The following SMC1B variants were observed in gnomAD, a reference collection of about 807,000 sequenced individuals.
The protein encoded by SMC1B is structural maintenance of chromosomes protein 1B.
Under a neutral mutation model 157.9 loss-of-function variants are expected in SMC1B, and 60 were observed. The observed-to-expected ratio is 0.38, with a 90% CI of 0.31 to 0.47. SMC1B has a LOEUF of 0.47. Among genes scored for constraint, SMC1B ranks in the 20% least tolerant of loss-of-function variants. The pLI, the probability that SMC1B is intolerant of heterozygous loss-of-function variation, is 0.99. For missense variants in SMC1B, 1,165 were observed against 1,426.2 expected (o/e 0.82, Z 2.95); for synonymous variants, 445 against 483.0 (o/e 0.92, Z 1.03).
At chr22:45,391,426 G>A (rs1422542302) in intron 9 of SMC1B, among the ~76,000 whole-genome samples, 1 of 152,096 alleles carries the variant, frequency 6.6e-6, no homozygotes, top group African/African-American at 2.4e-5. Context: ...TGGGGATTTT[G>A]TTCTGTAACC....
At chr22:45,412,612 T>G (rs948890207) in intron 1 of SMC1B, among the ~76,000 whole-genome samples, 1 of 150,076 alleles carries the variant, frequency 6.7e-6, no homozygotes. Context: ...GTTCAAGCGA[T>G]TCTCCCGCCT....
chr22:45,348,208 A>G (rs1007815843), intron 23 of SMC1B, among the ~76,000 whole-genome samples: 19 of 152,232 alleles, frequency 1.2e-4, no homozygotes, highest in Admixed American at 8.5e-4. Context: ...TCAAAGACTG[A>G]AAACAGGATC....
intron 5 of SMC1B, among the ~76,000 whole-genome samples, chr22:45,400,503 G>A (rs922811202): frequency 3.3e-5 from 5 of 152,170 alleles, no homozygotes; most frequent in African/African-American, 9.7e-5. Context: ...CTATACTGAT[G>A]TAAACAAATA....
chr22:45,382,241 G>GC (rs2086943420), intron 12 of SMC1B, among the ~76,000 whole-genome samples: 1 of 152,186 alleles, frequency 6.6e-6, no homozygotes, highest in Admixed American at 6.5e-5. Flanking sequence ...GATTAAAAAT[G>GC]CATGTATGAC....
intron 15 of SMC1B, among the ~76,000 whole-genome samples, chr22:45,368,770 C>T (rs566571454): frequency 2.0e-5 from 3 of 152,202 alleles, no homozygotes; most frequent in South Asian, 2.1e-4. Context: ...CTGCCTCGGT[C>T]GGCCTCCCAA....
intron 7 of SMC1B, among the ~76,000 whole-genome samples, chr22:45,395,023 AT>A (rs1486086064): frequency 1.3e-5 from 2 of 152,226 alleles, no homozygotes; most frequent in Non-Finnish European, 2.9e-5. Flanking sequence ...AAATATCTAT[AT>A]AGTTCTTACC....
At chr22:45,393,598 T>A in intron 9 of SMC1B, 36 bp downstream of exon 9, 3 of 1,489,010 alleles carry the variant, frequency 2.0e-6, no homozygotes, top group South Asian at 1.2e-5. Context: ...GAAAGCTTAG[T>A]TTTTTTTGTT....
At chr22:45,375,668 T>C (rs1263469029) in intron 12 of SMC1B, among the ~76,000 whole-genome samples, 1 of 152,236 alleles carries the variant, frequency 6.6e-6, no homozygotes, top group Non-Finnish European at 1.5e-5. Flanking sequence ...TAGGTCTGGC[T>C]GCTGAATTTT....
intron 9 of SMC1B, among the ~76,000 whole-genome samples, chr22:45,390,763 T>C (rs1004642151): frequency 2.0e-5 from 3 of 151,862 alleles, no homozygotes; most frequent in Non-Finnish European, 4.4e-5. Context: ...AGCTGAGACC[T>C]GAAGAATGGT....
At chr22:45,367,798 C>G (rs571849726) in intron 15 of SMC1B, among the ~76,000 whole-genome samples, 4 of 152,248 alleles carry the variant, frequency 2.6e-5, no homozygotes, top group African/African-American at 9.6e-5. Context: ...ATAAGGGCAC[C>G]ACAGATGTAA....
At chr22:45,384,134 A>AT (rs1374888503) in intron 11 of SMC1B, among the ~76,000 whole-genome samples, 1 of 152,202 alleles carries the variant, frequency 6.6e-6, no homozygotes, top group Non-Finnish European at 1.5e-5. Flanking sequence ...GGTATTTCCC[A>AT]TATGAGTGAG....
intron 11 of SMC1B, among the ~76,000 whole-genome samples, chr22:45,385,583 G>A: frequency 6.6e-6 from 1 of 152,080 alleles, no homozygotes; most frequent in East Asian, 1.9e-4. Flanking sequence ...GGGTAAAGAT[G>A]TTACTGTGAA....
intron 5 of SMC1B, 139 bp downstream of exon 5, chr22:45,402,194 T>A: frequency 1.5e-6 from 1 of 684,944 alleles, no homozygotes; most frequent in Non-Finnish European, 2.5e-6. Context: ...ATACTATCTT[T>A]ATAATTTTTC....
At chr22:45,385,436 A>G (rs1602077742) in intron 11 of SMC1B, among the ~76,000 whole-genome samples, 1 of 152,250 alleles carries the variant, frequency 6.6e-6, no homozygotes, top group East Asian at 1.9e-4. Context: ...TGAAAATGTG[A>G]CATCTATCCA....
chr22:45,387,914 C>A lies in SMC1B; in HGVS notation c.1732-868G>T, dbSNP rs11912200. 2.3e-3 allele frequency among the ~76,000 whole-genome samples: 344 copies of A among 152,078 alleles called. 1 individual carries two copies. Among genetic ancestry groups the A allele is most frequent in the African/African-American group, 7.8e-3 (322 of 41,486 alleles). On this transcript the variant is annotated intron_variant, in intron 10 of 24. Coordinates refer to ENST00000357450, the MANE Select transcript of SMC1B (RefSeq NM_148674.5). ...GGGTGTGGTGGCAGGTGCCTGTAAT[C>A]CCAGCTACTCAGGAGGCTGAGGCAG...
chr22:45,365,245 C>T (rs1485923965), intron 15 of SMC1B, among the ~76,000 whole-genome samples: 1 of 152,150 alleles, frequency 6.6e-6, no homozygotes, highest in East Asian at 1.9e-4. Context: ...TACCTCTAGC[C>T]TGGGCCTCGC....
intron 10 of SMC1B, among the ~76,000 whole-genome samples, chr22:45,387,355 C>T (rs2087000427): frequency 6.6e-6 from 1 of 152,176 alleles, no homozygotes; most frequent in Non-Finnish European, 1.5e-5. Flanking sequence ...GAGGCTGAGG[C>T]AGGAGACTCG....
rs1401609330 is a variant in SMC1B, at chr22:45,408,790, G to C, written c.218C>G (p.Pro73Arg). 6.3e-7 allele frequency: 1 copy of C among 1,588,434 alleles called. No individual in the cohort carries two copies. Among genetic ancestry groups the C allele is most frequent in the Admixed American group, 1.9e-5 (1 of 53,390 alleles). ...ELIHGAHIGK[P>R]ISSSASVKII... Reference sequence around the variant, plus strand: ...TTTTACACTTGCAGAAGAAGAAATAGGTTTTCCAATATGTGCTCCATGAAT... The same window carrying C: ...TTTTACACTTGCAGAAGAAGAAATACGTTTTCCAATATGTGCTCCATGAAT... The change falls in exon 2 of 25, where the codon CCT becomes CGT. Residue 73 changes from proline to arginine, a missense_variant. By Grantham distance (103) the Pro-to-Arg change is moderately radical. Transcript: ENST00000357450.
intron 7 of SMC1B, among the ~76,000 whole-genome samples, chr22:45,395,420 T>G (rs2146835202): frequency 6.6e-6 from 1 of 152,318 alleles, no homozygotes; most frequent in Non-Finnish European, 1.5e-5. Context: ...ACAACAGCAA[T>G]TCAACCAACA....
Sources: allele counts gnomAD v4.1 joint callset (sites outside exome capture counted in the v4.1 genomes callset), GRCh38; gene constraint gnomAD v4.1.1; transcripts MANE v1.5; gene names NCBI Gene and HGNC (gene_info 2026-07-23, HGNC 2026-07-21).